The following HSDL2 variants were observed in gnomAD, a reference collection of about 807,000 sequenced individuals.
HSDL2 encodes the protein hydroxysteroid dehydrogenase-like protein 2.
In HSDL2, 27 loss-of-function variants were observed where a neutral mutation model predicts 46.3. The observed-to-expected ratio is 0.58, with a 90% CI of 0.43 to 0.80. HSDL2 has a LOEUF of 0.80. Among genes scored for constraint, HSDL2 ranks in the 30% least tolerant of loss-of-function variants. The pLI is 0.00. For synonymous variants in HSDL2, 153 were observed against 163.6 expected (o/e 0.94, Z 0.50); for missense variants, 451 against 502.7 (o/e 0.90, Z 0.98).
intron 1 of HSDL2, among the ~76,000 whole-genome samples, chr9:112,390,824 G>A (rs990513780): frequency 6.6e-6 from 1 of 152,020 alleles, no homozygotes; most frequent in Non-Finnish European, 1.5e-5. Flanking sequence ...AGGAAAAAAA[G>A]AATTTCTTAA....
At chr9:112,453,287 A>C (rs1331039262) in intron 8 of HSDL2, among the ~76,000 whole-genome samples, 1 of 152,176 alleles carries the variant, frequency 6.6e-6, no homozygotes, top group Non-Finnish European at 1.5e-5. Context: ...CATCTTTCTG[A>C]TTCCAATGTC....
intron 1 of HSDL2, 37 bp downstream of exon 1, chr9:112,380,217 C>T (rs766384300): frequency 6.5e-7 from 1 of 1,532,148 alleles, no homozygotes; most frequent in Non-Finnish European, 8.8e-7. Flanking sequence ...GAGACCCTGT[C>T]GGGCGAAGGG....
intron 4 of HSDL2, among the ~76,000 whole-genome samples, chr9:112,416,588 T>TAAA (rs35674008): frequency 1.2e-4 from 16 of 134,244 alleles, no homozygotes; most frequent in East Asian, 8.6e-4. Flanking sequence ...ACCCTGTCTC[T>TAAA]AAAAAAAAAA....
At chr9:112,436,371 A>T (rs1832524027) in intron 6 of HSDL2, among the ~76,000 whole-genome samples, 1 of 151,898 alleles carries the variant, frequency 6.6e-6, no homozygotes, top group Non-Finnish European at 1.5e-5. Context: ...CAAAATAGGG[A>T]TGTAAGTTCC....
At chr9:112,394,981 A>T (rs938821444) in intron 1 of HSDL2, among the ~76,000 whole-genome samples, 1 of 152,202 alleles carries the variant, frequency 6.6e-6, no homozygotes, top group Non-Finnish European at 1.5e-5. Context: ...GTAGCAGGTA[A>T]ATCAGTTTGA....
intron 6 of HSDL2, among the ~76,000 whole-genome samples, chr9:112,437,893 A>G (rs1832561094): frequency 6.6e-6 from 1 of 152,200 alleles, no homozygotes; most frequent in Non-Finnish European, 1.5e-5. Context: ...TCTGTAGTAT[A>G]AGGCAGTGTT....
At chr9:112,448,546 CTCTCT>C (rs1832800513) in intron 8 of HSDL2, among the ~76,000 whole-genome samples, 4 of 10,162 alleles carry the variant, frequency 3.9e-4, no homozygotes, top group Admixed American at 1.3e-3. Flanking sequence ...CCTTCTTTCT[CTCTCT>C]TTTTATTTTT....
chr9:112,380,648 G>C (rs78149435), intron 1 of HSDL2, among the ~76,000 whole-genome samples: 2 of 152,160 alleles, frequency 1.3e-5, no homozygotes, highest in East Asian at 3.9e-4. Flanking sequence ...CTTAAAACAT[G>C]GGTATCTTTG....
intron 1 of HSDL2, among the ~76,000 whole-genome samples, chr9:112,388,167 AC>A (rs775912235): frequency 4.7e-5 from 7 of 150,498 alleles, no homozygotes; most frequent in Admixed American, 2.0e-4. Context: ...TCAGAAAAAA[AC>A]AAACAAAAAA....
At chr9:112,446,422 G>A (rs748428930) in intron 8 of HSDL2, among the ~76,000 whole-genome samples, 2 of 152,080 alleles carry the variant, frequency 1.3e-5, no homozygotes, top group Non-Finnish European at 2.9e-5. Context: ...CCAGGAGTTC[G>A]AGATGAGCCT....
chr9:112,393,329 T>A (rs557172141), intron 1 of HSDL2, among the ~76,000 whole-genome samples: 109 of 152,360 alleles, frequency 7.2e-4, no homozygotes, highest in Non-Finnish European at 1.4e-3. Flanking sequence ...CCATTTCCCA[T>A]GACTCATCAG....
intron 6 of HSDL2, among the ~76,000 whole-genome samples, chr9:112,437,412 C>A (rs73537865): frequency 6.6e-6 from 1 of 152,000 alleles, no homozygotes; most frequent in Non-Finnish European, 1.5e-5. Flanking sequence ...GATGCCCATG[C>A]TTTATATTTG....
intron 8 of HSDL2, among the ~76,000 whole-genome samples, chr9:112,446,487 C>G (rs1832763361): frequency 6.6e-6 from 1 of 152,094 alleles, no homozygotes; most frequent in Non-Finnish European, 1.5e-5. Context: ...TAACAATAGC[C>G]AGGCGTGGTG....
intron 1 of HSDL2, among the ~76,000 whole-genome samples, chr9:112,391,304 C>CA (rs1424075945): frequency 1.3e-5 from 2 of 149,892 alleles, no homozygotes; most frequent in African/African-American, 4.9e-5. Flanking sequence ...TGTCCCCCCC[C>CA]AAAAAATAAA....
At chr9:112,467,583 C>G (rs1297532883) in intron 10 of HSDL2, among the ~76,000 whole-genome samples, 1 of 152,198 alleles carries the variant, frequency 6.6e-6, no homozygotes, top group Admixed American at 6.5e-5. Context: ...CATTCCGGCT[C>G]CATCCTCATG....
At chr9:112,434,892 A>G (rs1419750322) in intron 6 of HSDL2, among the ~76,000 whole-genome samples, 1 of 152,172 alleles carries the variant, frequency 6.6e-6, no homozygotes, top group African/African-American at 2.4e-5. Flanking sequence ...ATGTCTCTTC[A>G]GTTATTTCTT....
chr9:112,423,404 T>C (rs4979114), intron 6 of HSDL2, among the ~76,000 whole-genome samples: 139,850 of 152,152 alleles, frequency 0.92, 64,310 homozygotes, highest in South Asian at 0.96. Flanking sequence ...AGCAGTGGCA[T>C]AATCTCGGCT....
intron 6 of HSDL2, among the ~76,000 whole-genome samples, chr9:112,419,926 C>T (rs1832081650): frequency 6.6e-6 from 1 of 152,128 alleles, no homozygotes; most frequent in South Asian, 2.1e-4. Flanking sequence ...AGGTTCTTAC[C>T]CTCTGCTTGT....
At chr9:112,417,897 G>C (rs1445710840) in intron 5 of HSDL2, among the ~76,000 whole-genome samples, 1 of 151,894 alleles carries the variant, frequency 6.6e-6, no homozygotes, top group Non-Finnish European at 1.5e-5. Context: ...GGCCAACATA[G>C]TGAAACTCCA....
Sources: allele counts gnomAD v4.1 joint callset (sites outside exome capture counted in the v4.1 genomes callset), GRCh38; gene constraint gnomAD v4.1.1; transcripts MANE v1.5; gene names NCBI Gene and HGNC (gene_info 2026-07-23, HGNC 2026-07-21).